KIF18A: variants seen among roughly 807,000 people sequenced by gnomAD.
KIF18A encodes the protein kinesin family member 18A.
In KIF18A, 67 loss-of-function variants were observed where a neutral mutation model predicts 103.3. The ratio of observed to expected loss-of-function variants is 0.65; its 90% CI spans 0.53 to 0.79. The LOEUF (loss-of-function observed/expected upper bound fraction) is 0.79. KIF18A is among the 30% of genes least tolerant of loss of function. KIF18A has a pLI of 0.00. For missense variants in KIF18A, 1,032 were observed against 1,062.5 expected (o/e 0.97, Z 0.40); for synonymous variants, 367 against 355.5 (o/e 1.03, Z -0.36).
rs1851290905 is a variant in KIF18A, at chr11:28,090,809, A to T, written c.589-82T>A. On this transcript the variant is annotated intron_variant, in intron 4 of 16. Coordinates refer to ENST00000263181, the MANE Select transcript of KIF18A (RefSeq NM_031217.4). ...TTCAATAAATGTTCAAAAAACAAAA[A>T]GATTTAAAGGTAAAAGAAAATGTTT... 6 of 708,616 alleles carry T rather than the reference A, an allele frequency of 8.5e-6. No individual in the cohort carries two copies. In the South Asian group the frequency reaches 1.0e-4, roughly 12 times the overall value. The allele number at this position is 708,616 out of a possible 1,614,324, so 43.9% of individuals were successfully genotyped here.
chr11:28,091,533 C>A lies in KIF18A; in HGVS notation c.484-20G>T. On this transcript the variant is annotated intron_variant, in intron 3 of 16. Transcript: ENST00000263181. Reference sequence around the variant, plus strand: ...ATATACCTTAAAATAAAAAGAACTGCTTTAGCATTGATGTAAAAAAAAAAA... The same window carrying A: ...ATATACCTTAAAATAAAAAGAACTGATTTAGCATTGATGTAAAAAAAAAAA... The A allele has an allele frequency of 1.5e-6, 2 of 1,341,420 alleles. No individual in the cohort carries two copies. The highest frequency in any genetic ancestry group is 2.1e-6 in the Non-Finnish European group (2 of 947,538). 83.1% of individuals were successfully genotyped at this position (1,341,420 alleles called of 1,614,324 possible).
chr11:28,042,546 T>C (rs1484550902), intron 13 of KIF18A, among the ~76,000 whole-genome samples: 1 of 152,062 alleles, frequency 6.6e-6, no homozygotes, highest in Middle Eastern at 3.4e-3. Context: ...AAATGCAAAA[T>C]GCAAACTTGT....
chr11:28,091,598 A>C (rs1421391248), intron 3 of KIF18A, 85 bp from the exon 4 acceptor site: 1 of 616,196 alleles, frequency 1.6e-6, no homozygotes, highest in Non-Finnish European at 2.8e-6. Flanking sequence ...ATTTAAAGTT[A>C]TTAGAATTTT....
Position 28,035,392 on chromosome 11 carries a change from T to G in KIF18A, c.2499A>C (p.Leu833Phe). 2 of 1,583,388 alleles carry G rather than the reference T, an allele frequency of 1.3e-6. No individual in the cohort carries two copies. Among genetic ancestry groups the G allele is most frequent in the Non-Finnish European group, 1.7e-6 (2 of 1,157,666 alleles). ...CAGTTTATGTTTAATCATACCTTGTTAATTTCCGTTTCCTTTTGGCAGCAG... is the reference window on the plus strand; with the variant it reads ...CAGTTTATGTTTAATCATACCTTGTGAATTTCCGTTTCCTTTTGGCAGCAG... ...MTTAAKRKRKLTSSTSNSSLT... is the reference protein window; with the variant it reads ...MTTAAKRKRKFTSSTSNSSLT... Residue 833 changes from leucine to phenylalanine, a missense_variant, in exon 15 of 17, where the codon TTA becomes TTC. Physicochemically the swap from Leu to Phe is conservative, Grantham distance 22. Coordinates refer to ENST00000263181, the MANE Select transcript of KIF18A (RefSeq NM_031217.4).
At chr11:28,071,267 G>C (rs1344952137) in intron 10 of KIF18A, among the ~76,000 whole-genome samples, 1 of 152,002 alleles carries the variant, frequency 6.6e-6, no homozygotes, top group African/African-American at 2.4e-5. Context: ...TTTTCTAGAG[G>C]CTAAATGATG....
intron 13 of KIF18A, among the ~76,000 whole-genome samples, chr11:28,047,976 G>A (rs539602186): frequency 2.0e-5 from 3 of 152,216 alleles, no homozygotes; most frequent in African/African-American, 7.2e-5. Context: ...GTGTATGTAT[G>A]TATGTCTATG....
At chr11:28,079,727 C>A (rs1420999769) in intron 9 of KIF18A, among the ~76,000 whole-genome samples, 5 of 151,626 alleles carry the variant, frequency 3.3e-5, no homozygotes, top group African/African-American at 7.3e-5. Flanking sequence ...CTTTAATAAG[C>A]TGATGTACTT....
intron 1 of KIF18A, among the ~76,000 whole-genome samples, chr11:28,102,858 G>C (rs1314214148): frequency 6.6e-6 from 1 of 152,138 alleles, no homozygotes; most frequent in Non-Finnish European, 1.5e-5. Flanking sequence ...TGCCTTCTTT[G>C]TTTTCTAGGA....
chr11:28,093,893 C>T (rs1851334089), intron 3 of KIF18A, among the ~76,000 whole-genome samples: 1 of 152,250 alleles, frequency 6.6e-6, no homozygotes, highest in South Asian at 2.1e-4. Context: ...TGTCTACATA[C>T]ATAGTACTTA....
At chr11:28,050,548 A>G (rs1850698579) in intron 13 of KIF18A, among the ~76,000 whole-genome samples, 1 of 151,918 alleles carries the variant, frequency 6.6e-6, no homozygotes, top group Admixed American at 6.6e-5. Flanking sequence ...CTATGTTAAG[A>G]GACTGGTTCT....
At chr11:28,096,705 A>G (rs1413933185) in intron 2 of KIF18A, among the ~76,000 whole-genome samples, 1 of 152,166 alleles carries the variant, frequency 6.6e-6, no homozygotes, top group African/African-American at 2.4e-5. Flanking sequence ...CTTCCATGAT[A>G]AAACTGAAAT....
intron 12 of KIF18A, among the ~76,000 whole-genome samples, chr11:28,061,285 G>A (rs951693279): frequency 2.6e-5 from 4 of 151,950 alleles, no homozygotes; most frequent in South Asian, 2.1e-4. Flanking sequence ...AATAATCAGC[G>A]TAAGGTTATA....
intron 12 of KIF18A, among the ~76,000 whole-genome samples, chr11:28,060,782 G>A (rs1002753285): frequency 1.3e-5 from 2 of 152,134 alleles, no homozygotes; most frequent in South Asian, 2.1e-4. Context: ...TGAAAAGTCT[G>A]GAATTTTGAT....
chr11:28,090,662 G>A lies in KIF18A; in HGVS notation c.654C>T (p.Pro218=). ...DNGNKNRTQH[P]TDMNATSSRS... The stretch of plus-strand genomic sequence containing the variant: ...GAGAAGATGTGGCATTCATATCAGT[G>A]GGATGTTGTGTCCTGTTTTTGTTTC... Residue 218 remains proline, a synonymous_variant, in exon 5 of 17, where the codon CCC becomes CCT. Coordinates refer to ENST00000263181, the MANE Select transcript of KIF18A (RefSeq NM_031217.4). The A allele has an allele frequency of 6.2e-7, 1 of 1,609,976 alleles. No homozygotes were observed. Among genetic ancestry groups the A allele is most frequent in the Non-Finnish European group, 8.5e-7 (1 of 1,176,970 alleles).
rs148793396 is a variant in KIF18A at position 28,100,561 on chromosome 11, A to AGG, written c.-46-2570_-46-2569dup. Among the ~76,000 whole-genome samples, 1,027 of 135,416 alleles carry AGG rather than the reference A, an allele frequency of 7.6e-3. 13 individuals are homozygous for AGG. The highest frequency in any genetic ancestry group is 0.011 in the Middle Eastern group (3 of 266). The allele number at this position is 135,416 out of a possible 152,430, so 88.8% of individuals were successfully genotyped here. A position where few individuals can be genotyped will look rare whatever the true frequency, so the allele number is the denominator to read the frequency against. On this transcript the variant is annotated intron_variant, in intron 1 of 16. Transcript: ENST00000263181. ...GGGAGGAGAAAAATGGTGTGAGTGA[A>AGG]GGGGGGGGGTGGTGTCAAGATGTTT...
intron 4 of KIF18A, among the ~76,000 whole-genome samples, chr11:28,091,135 T>A (rs887236066): frequency 4.3e-5 from 6 of 140,884 alleles, no homozygotes; most frequent in Non-Finnish European, 1.6e-5. Flanking sequence ...AATAAATAAA[T>A]AAATAAATAA....
In KIF18A at chr11:28,041,383, G is replaced by A. The variant is rs192770110; in HGVS notation, c.1949-4719C>T. On this transcript the variant is annotated intron_variant, in intron 13 of 16. Transcript: ENST00000263181. The stretch of plus-strand genomic sequence containing the variant: ...GGAGGCAGTTCTATGAAGATCTGGG[G>A]GAAAAGGCAGAAAAAATAGCATGTG... 1.3e-3 allele frequency among the ~76,000 whole-genome samples: 194 copies of A among 151,692 alleles called. 1 individual carries two copies. Among genetic ancestry groups the A allele is most frequent in the African/African-American group, 4.4e-3 (181 of 41,446 alleles).
At chr11:28,035,828 A>G (rs1262673176) in intron 14 of KIF18A, among the ~76,000 whole-genome samples, 1 of 151,584 alleles carries the variant, frequency 6.6e-6, no homozygotes, top group Non-Finnish European at 1.5e-5. Flanking sequence ...CTTTAGGGGT[A>G]TGACCATTTC....
rs1590654257 is a variant in KIF18A at position 28,020,976 on chromosome 11, T to C, written c.*224A>G. ...CAGGGATTTTAAAAGGCAACAAATA[T>C]TTAAAAAACTTAAAAGACAACCTTT... is the stretch of plus-strand genomic sequence containing the variant. On this transcript the variant is annotated 3_prime_UTR_variant, in exon 17 of 17. Coordinates refer to ENST00000263181, the MANE Select transcript of KIF18A (RefSeq NM_031217.4). The C allele has an allele frequency of 3.3e-6, 1 of 307,586 alleles. No individual in the cohort carries two copies. Among genetic ancestry groups the C allele is most frequent in the East Asian group, 8.1e-5 (1 of 12,406 alleles). 19.1% of individuals were successfully genotyped at this position (307,586 alleles called of 1,614,324 possible).
Sources: gnomAD v4.1 joint callset for allele counts (sites outside exome capture counted in the v4.1 genomes callset) on GRCh38, gnomAD v4.1.1 for gene constraint, MANE v1.5 for transcripts, NCBI Gene and HGNC (gene_info 2026-07-23, HGNC 2026-07-21) for gene names.